EML6: variants seen among roughly 807,000 people sequenced by gnomAD.
The protein encoded by EML6 is echinoderm microtubule-associated protein-like 6.
A neutral mutation model predicts 240.1 loss-of-function variants in EML6; 154 were observed. That is an observed-to-expected ratio of 0.64 (90% CI 0.56 to 0.73). The LOEUF (loss-of-function observed/expected upper bound fraction) is 0.73, where lower values mean the gene tolerates loss of function less well. Ranked by LOEUF, EML6 falls within the 30% of genes least tolerant of loss-of-function variation. EML6 has a pLI of 0.00. For missense variants in EML6, 2,964 were observed against 2,474.6 expected (o/e 1.20, Z -4.20); for synonymous variants, 1,148 against 899.0 (o/e 1.28, Z -4.95).
chr2:54,818,614 C>G (rs777985883), intron 4 of EML6, among the ~76,000 whole-genome samples: 2 of 152,218 alleles, frequency 1.3e-5, no homozygotes, highest in Non-Finnish European at 2.9e-5. Context: ...CAATTCAACT[C>G]TGTTAAAACT....
chr2:54,902,910 C>A lies in EML6; in HGVS notation c.3125-134C>A, dbSNP rs186381386. The A allele has an allele frequency of 9.6e-3, 7,381 of 766,914 alleles. 90 individuals are homozygous for A. Among genetic ancestry groups the A allele is most frequent in the Middle Eastern group, 0.011 (48 of 4,174 alleles). The allele number at this position is 766,914 out of a possible 1,614,324, so 47.5% of individuals were successfully genotyped here. Reference sequence around the variant, plus strand: ...TTAAATTAGGAAGTTTTAGTTCTCACAAGTGTAGTGTCAATTTAAAGGCAG... The same window carrying A: ...TTAAATTAGGAAGTTTTAGTTCTCAAAAGTGTAGTGTCAATTTAAAGGCAG... On this transcript the variant is annotated intron_variant, in intron 22 of 41. Coordinates refer to ENST00000356458, the MANE Select transcript of EML6 (RefSeq NM_001039753.4).
chr2:54,832,267 G>A (rs921554119), intron 7 of EML6, among the ~76,000 whole-genome samples: 4 of 152,232 alleles, frequency 2.6e-5, no homozygotes, highest in African/African-American at 9.6e-5. Context: ...GTCATGTGGG[G>A]AAACTTGCTC....
chr2:54,850,903 G>C (rs1056030982), intron 10 of EML6, among the ~76,000 whole-genome samples: 1 of 152,180 alleles, frequency 6.6e-6, no homozygotes, highest in African/African-American at 2.4e-5. Flanking sequence ...CATCAGTAGG[G>C]ATACATCTCA....
Position 54,725,077 on chromosome 2 carries a change from G to A in EML6, c.16G>A (p.Ala6Thr), listed in dbSNP as rs1391881365. 6.5e-7 allele frequency: 1 copy of A among 1,528,026 alleles called. No homozygotes were observed. The highest frequency in any genetic ancestry group is 2.0e-5 in the Admixed American group (1 of 48,974). 94.7% of individuals were successfully genotyped at this position (1,528,026 alleles called of 1,614,324 possible). Residue 6 changes from alanine (A) to threonine (T), a missense_variant, in exon 2 of 42, where the codon GCG (alanine) becomes ACG (threonine). Ala to Thr is a moderately conservative substitution (Grantham distance 58, BLOSUM62 0). Transcript: ENST00000356458. The surrounding 1 kb of genome is among the most constrained non-coding windows in gnomAD (Gnocchi z 4.3). MADRT[A>T]PRCQLRLEWV... ...TCGGCTTATCATGGCGGATCGGACG[G>A]CGCCCCGCTGCCAGCTCCGGCTGGA...
chr2:54,869,114 G>A (rs1671120746), intron 14 of EML6, 67 bp from the exon 15 acceptor site: 1 of 1,084,616 alleles, frequency 9.2e-7, no homozygotes, highest in Admixed American at 2.2e-5. Flanking sequence ...CCTTGCCTCT[G>A]ACACCTCCTG....
chr2:54,892,063 C>T (rs995748285), intron 18 of EML6, among the ~76,000 whole-genome samples: 2 of 150,130 alleles, frequency 1.3e-5, no homozygotes, highest in African/African-American at 4.8e-5. Flanking sequence ...ACTTTGCTTG[C>T]TCCTTCAGGC....
At chr2:54,950,431 G>T (rs564633724) in intron 29 of EML6, among the ~76,000 whole-genome samples, 7 of 152,380 alleles carry the variant, frequency 4.6e-5, no homozygotes, top group African/African-American at 1.7e-4. Flanking sequence ...TGGTGATTCT[G>T]TGTGTTAGAC....
chr2:54,928,444 G>A lies in EML6; in HGVS notation c.3807G>A (p.Glu1269=), dbSNP rs1436978375. The part of the protein sequence containing the change: ...ADTALMIWTR[E]FVGTQESKLV... ...CAGCCCTGATGATCTGGACCAGGGA[G>A]TTTGTGGGGACCCAGGAGAGCAAGC... The change falls in exon 27 of 42, where the codon GAG becomes GAA. Residue 1269 remains glutamate (E), a synonymous_variant. Transcript: ENST00000356458. 1 of 1,550,918 alleles carries A rather than the reference G, an allele frequency of 6.4e-7. No homozygotes were observed. The highest frequency in any genetic ancestry group is 2.0e-5 in the Admixed American group (1 of 50,930).
intron 7 of EML6, among the ~76,000 whole-genome samples, chr2:54,832,154 C>T (rs1180455868): frequency 2.6e-5 from 4 of 152,158 alleles, no homozygotes; most frequent in African/African-American, 9.7e-5. Flanking sequence ...GTACATGTAG[C>T]ATCAAAAGAA....
At chr2:54,898,819 G>A (rs1573100052) in intron 21 of EML6, among the ~76,000 whole-genome samples, 1 of 152,152 alleles carries the variant, frequency 6.6e-6, no homozygotes, top group African/African-American at 2.4e-5. Flanking sequence ...TTATTGCTCT[G>A]TAGCACTAAT....
chr2:54,818,888 T>C (rs1008109169), intron 4 of EML6, among the ~76,000 whole-genome samples: 2 of 152,226 alleles, frequency 1.3e-5, no homozygotes, highest in African/African-American at 4.8e-5. Flanking sequence ...CTGCTTATGA[T>C]TAACTTCAAG....
At chr2:54,831,615 C>T (rs183221899) in intron 7 of EML6, among the ~76,000 whole-genome samples, 2 of 152,358 alleles carry the variant, frequency 1.3e-5, no homozygotes, top group Middle Eastern at 3.4e-3. Context: ...CAAGCCTGCA[C>T]CTCATAGGAT....
chr2:54,724,559 T>G lies in EML6; in HGVS notation c.-503T>G, dbSNP rs1426153527. 1 of 152,104 alleles carries G rather than the reference T, an allele frequency of 6.6e-6. No homozygotes were observed. The highest frequency in any genetic ancestry group is 1.9e-4 in the East Asian group (1 of 5,184). The allele number at this position is 152,104 out of a possible 1,614,324, so 9.4% of individuals were successfully genotyped here. On this transcript the variant is annotated 5_prime_UTR_variant, in exon 2 of 42. Transcript: ENST00000356458. The surrounding 1 kb of genome is among the most constrained non-coding windows in gnomAD (Gnocchi z 5.2). The stretch of plus-strand genomic sequence containing the variant: ...GCTTCCTGGATATAGACTGTCAATT[T>G]CGGATCCAAAGACGGCGATGGCAGA...
At chr2:54,932,803 G>A (rs924039676) in intron 28 of EML6, among the ~76,000 whole-genome samples, 4 of 152,106 alleles carry the variant, frequency 2.6e-5, no homozygotes, top group Non-Finnish European at 4.4e-5. Flanking sequence ...GGTTTGCTTG[G>A]TACCAAATTA....
chr2:54,880,694 C>T (rs1354590016), intron 17 of EML6: 5 of 152,178 alleles, frequency 3.3e-5, no homozygotes, highest in South Asian at 2.1e-4. Flanking sequence ...TTCTAGTATT[C>T]CTCACTGTCA....
At chr2:54,925,900 C>T (rs973075256) in intron 26 of EML6, among the ~76,000 whole-genome samples, 2 of 152,134 alleles carry the variant, frequency 1.3e-5, no homozygotes, top group South Asian at 2.1e-4. Flanking sequence ...TTTTTAAAAC[C>T]CTCCATGCCC....
At chr2:54,783,175 A>G (rs1668928507) in intron 2 of EML6, among the ~76,000 whole-genome samples, 2 of 152,236 alleles carry the variant, frequency 1.3e-5, no homozygotes, top group African/African-American at 4.8e-5. Flanking sequence ...GCTTTATTAC[A>G]ATGCCTGGGA....
At chr2:54,862,807 C>T (rs1482450150) in intron 12 of EML6, among the ~76,000 whole-genome samples, 1 of 152,190 alleles carries the variant, frequency 6.6e-6, no homozygotes, top group East Asian at 1.9e-4. Context: ...ATAAAACCAT[C>T]AGCAGATTTC....
intron 11 of EML6, among the ~76,000 whole-genome samples, chr2:54,855,624 A>G (rs1466412877): frequency 3.3e-5 from 5 of 152,190 alleles, no homozygotes; most frequent in Non-Finnish European, 5.9e-5. Flanking sequence ...ATCTGCATGA[A>G]TGAGGAGAGA....
Sources: allele counts gnomAD v4.1 joint callset (sites outside exome capture counted in the v4.1 genomes callset), GRCh38; gene constraint gnomAD v4.1.1; non-coding constraint Gnocchi (gnomAD v3.1); transcripts MANE v1.5; gene names NCBI Gene and HGNC (gene_info 2026-07-23, HGNC 2026-07-21).